Variants in TNR observed in about 807,000 individuals in gnomAD.
The protein encoded by TNR is tenascin-R.
In TNR, 45 loss-of-function variants were observed where a neutral mutation model predicts 150.4. The ratio of observed to expected loss-of-function variants is 0.30; its 90% CI spans 0.24 to 0.38. TNR has a LOEUF of 0.38. Among genes scored for constraint, TNR ranks in the 10% least tolerant of loss-of-function variants. The pLI is 1.00. For synonymous variants in TNR, 687 were observed against 678.4 expected, an observed-to-expected ratio of 1.01 and a Z score of -0.20; for missense variants, 1,544 against 1,759.1, an observed-to-expected ratio of 0.88 and a Z score of 2.19.
intron 1 of TNR, among the ~76,000 whole-genome samples, chr1:175,696,646 A>G (rs544848078): frequency 1.5e-4 from 23 of 152,192 alleles, no homozygotes; most frequent in Non-Finnish European, 1.0e-4. Flanking sequence ...TTGGGAGGCC[A>G]AGGCAGGCAG....
chr1:175,534,543 C>T (rs976930702), intron 1 of TNR, among the ~76,000 whole-genome samples: 3 of 152,168 alleles, frequency 2.0e-5, no homozygotes, highest in East Asian at 1.9e-4. Flanking sequence ...GCTCTGACCC[C>T]GGTATCTGGC....
At chr1:175,663,665 C>G (rs1183242013) in intron 1 of TNR, among the ~76,000 whole-genome samples, 1 of 151,710 alleles carries the variant, frequency 6.6e-6, no homozygotes, top group Non-Finnish European at 1.5e-5. Flanking sequence ...CCTACACTAA[C>G]TACTCTGTTA....
intron 2 of TNR, among the ~76,000 whole-genome samples, chr1:175,421,892 G>T (rs1454484072): frequency 6.6e-6 from 1 of 152,220 alleles, no homozygotes; most frequent in Non-Finnish European, 1.5e-5. Context: ...TGAAGGAAAG[G>T]AAAGGAAGGG....
intron 1 of TNR, among the ~76,000 whole-genome samples, chr1:175,738,946 C>T (rs1667848062): frequency 6.6e-6 from 1 of 152,196 alleles, no homozygotes; most frequent in Admixed American, 6.5e-5. Context: ...TGCGCTTCTG[C>T]CGAATCATCT....
chr1:175,326,242 CTT>C (rs1649384651), intron 21 of TNR, among the ~76,000 whole-genome samples: 1 of 152,104 alleles, frequency 6.6e-6, no homozygotes, highest in Admixed American at 6.5e-5. Flanking sequence ...GTTTATAAAA[CTT>C]TTAGCAGGAT....
chr1:175,518,782 T>C (rs532420371), intron 2 of TNR, among the ~76,000 whole-genome samples: 2 of 152,322 alleles, frequency 1.3e-5, no homozygotes, highest in South Asian at 4.1e-4. Flanking sequence ...CCCCTCTACA[T>C]TTCGGTTGCC....
intron 18 of TNR, among the ~76,000 whole-genome samples, chr1:175,342,394 G>A (rs192594469): frequency 4.1e-4 from 63 of 152,304 alleles, no homozygotes; most frequent in African/African-American, 1.3e-3. Flanking sequence ...GCAAAAGTAC[G>A]GCCCCTTTGA....
intron 1 of TNR, among the ~76,000 whole-genome samples, chr1:175,682,439 C>T (rs1444904281): frequency 6.6e-6 from 1 of 152,180 alleles, no homozygotes; most frequent in Non-Finnish European, 1.5e-5. Flanking sequence ...AGAGCCTCCA[C>T]TCTTTCCATA....
chr1:175,550,479 C>T (rs891167165), intron 1 of TNR, among the ~76,000 whole-genome samples: 1 of 152,074 alleles, frequency 6.6e-6, no homozygotes, highest in African/African-American at 2.4e-5. Flanking sequence ...TATACTGAGC[C>T]ATGGAACTCT....
chr1:175,394,923 C>T (rs768776298), intron 5 of TNR, among the ~76,000 whole-genome samples: 20 of 152,262 alleles, frequency 1.3e-4, no homozygotes, highest in Non-Finnish European at 1.9e-4. Flanking sequence ...AGAGAGGAGA[C>T]GCTTGGGAGT....
intron 22 of TNR, 22 bp from the exon 23 acceptor site, chr1:175,323,498 A>G: frequency 6.2e-7 from 1 of 1,612,018 alleles, no homozygotes; most frequent in East Asian, 2.2e-5. Flanking sequence ...AAAGATAAGC[A>G]TGTCAGGTCA....
intron 2 of TNR, among the ~76,000 whole-genome samples, chr1:175,498,073 C>T (rs1344501855): frequency 6.8e-6 from 1 of 147,792 alleles, no homozygotes; most frequent in East Asian, 1.9e-4. Context: ...ACAACAACAG[C>T]AACAACAACA....
chr1:175,712,759 C>T (rs1429296207), intron 1 of TNR, among the ~76,000 whole-genome samples: 2 of 152,112 alleles, frequency 1.3e-5, no homozygotes. Context: ...TTGCCTTCCA[C>T]CATGATTGTG....
intron 7 of TNR, among the ~76,000 whole-genome samples, chr1:175,390,414 T>C (rs1191363787): frequency 6.6e-6 from 1 of 152,206 alleles, no homozygotes; most frequent in Non-Finnish European, 1.5e-5. Context: ...GAGTTTCAGC[T>C]CCATCAACAA....
intron 4 of TNR, among the ~76,000 whole-genome samples, chr1:175,402,273 G>A (rs1312370429): frequency 8.3e-6 from 1 of 120,586 alleles, no homozygotes; most frequent in Non-Finnish European, 1.6e-5. Flanking sequence ...CGCCACTGCA[G>A]TCCGCAATCC....
chr1:175,327,716 G>T (rs3766678), intron 21 of TNR, among the ~76,000 whole-genome samples: 7,377 of 152,186 alleles, frequency 0.048, 242 homozygotes, highest in Middle Eastern at 0.18. Context: ...AACTTCCAGG[G>T]TTTATTTTCC....
At chr1:175,400,764 C>T (rs1257978083) in intron 4 of TNR, among the ~76,000 whole-genome samples, 1 of 152,154 alleles carries the variant, frequency 6.6e-6, no homozygotes. Flanking sequence ...GCAATGGGAA[C>T]ATCGTGCTGT....
At chr1:175,331,248 TC>T (rs1299088757) in intron 20 of TNR, among the ~76,000 whole-genome samples, 1 of 69,526 alleles carries the variant, frequency 1.4e-5, no homozygotes, top group African/African-American at 5.8e-5. Context: ...CTTCCCTCCC[TC>T]CCTCCCTCCC....
chr1:175,487,285 C>T (rs1022308376), intron 2 of TNR, among the ~76,000 whole-genome samples: 1 of 152,272 alleles, frequency 6.6e-6, no homozygotes, highest in East Asian at 1.9e-4. Flanking sequence ...GCCACTGATC[C>T]GACAGGAGGT....
Sources: gnomAD v4.1 joint callset for allele counts (sites outside exome capture counted in the v4.1 genomes callset) on GRCh38, gnomAD v4.1.1 for gene constraint, MANE v1.5 for transcripts, NCBI Gene and HGNC (gene_info 2026-07-23, HGNC 2026-07-21) for gene names.